RFFL: variants seen among roughly 807,000 people sequenced by gnomAD.
RFFL encodes ring finger and FYVE like domain containing E3 ubiquitin protein ligase.
In RFFL, 16 loss-of-function variants were observed where a neutral mutation model predicts 40.4. That is an observed-to-expected ratio of 0.40 (90% confidence interval 0.27 to 0.60). The LOEUF (loss-of-function observed/expected upper bound fraction) is 0.60, where lower values mean the gene tolerates loss of function less well. RFFL is among the 20% of genes least tolerant of loss of function. RFFL has a pLI of 0.47. For missense variants in RFFL, 367 were observed against 451.7 expected (o/e 0.81, Z 1.70); for synonymous variants, 154 against 167.9 (o/e 0.92, Z 0.64).
chr17:35,059,017 ATTT>A (rs750015998), intron 1 of RFFL, among the ~76,000 whole-genome samples: 4 of 123,458 alleles, frequency 3.2e-5, no homozygotes, highest in African/African-American at 3.2e-5. Context: ...TCGAGCTAGA[ATTT>A]TTTTTTTTTT....
At chr17:35,030,295 T>G (rs2091074221) in intron 1 of RFFL, among the ~76,000 whole-genome samples, 1 of 149,500 alleles carries the variant, frequency 6.7e-6, no homozygotes, top group Non-Finnish European at 1.5e-5. Context: ...TGAACTAGTT[T>G]ACAGTCCCAC....
intron 1 of RFFL, among the ~76,000 whole-genome samples, chr17:35,084,040 A>G (rs1240563682): frequency 6.6e-6 from 1 of 152,136 alleles, no homozygotes; most frequent in African/African-American, 2.4e-5. Flanking sequence ...GGAGTTTGAG[A>G]CCATCCTGGC....
chr17:35,079,460 G>GA (rs2091394003), intron 1 of RFFL, among the ~76,000 whole-genome samples: 3 of 152,260 alleles, frequency 2.0e-5, no homozygotes, highest in Admixed American at 1.3e-4. Flanking sequence ...AATTGTCAAC[G>GA]TATTTTCCTT....
At chr17:35,052,750 C>A (rs2091239096) in intron 1 of RFFL, among the ~76,000 whole-genome samples, 1 of 152,132 alleles carries the variant, frequency 6.6e-6, no homozygotes, top group Non-Finnish European at 1.5e-5. Flanking sequence ...CAAAGGTCAA[C>A]CAGACAGATC....
chr17:35,047,436 G>A lies in RFFL; in HGVS notation c.-9+16140C>T, dbSNP rs191653373. On this transcript the variant is annotated intron_variant, in intron 1 of 6. Coordinates refer to ENST00000394597, the MANE Select transcript of RFFL (RefSeq NM_001017368.2). Reference sequence around the variant, plus strand: ...AGATAATTGAAAGGATTAAAATAACGCATGTCAAAGCATTTAACCCAGAGC... The same window carrying A: ...AGATAATTGAAAGGATTAAAATAACACATGTCAAAGCATTTAACCCAGAGC... 2.2e-4 allele frequency among the ~76,000 whole-genome samples: 34 copies of A among 152,276 alleles called. No individual in the cohort carries two copies. In the East Asian group the frequency reaches 5.0e-3, roughly 22 times the overall value.
intron 1 of RFFL, among the ~76,000 whole-genome samples, chr17:35,043,326 T>C (rs936384414): frequency 2.6e-5 from 4 of 152,188 alleles, no homozygotes; most frequent in African/African-American, 7.2e-5. Flanking sequence ...AGGCTGGACA[T>C]AGAGGTGGTG....
chr17:35,047,792 C>G (rs2091208558), intron 1 of RFFL, among the ~76,000 whole-genome samples: 2 of 151,486 alleles, frequency 1.3e-5, no homozygotes, highest in Non-Finnish European at 2.9e-5. Context: ...CCCTCTGTCA[C>G]CCAGGCTGGA....
chr17:35,039,447 T>C (rs555385090), intron 1 of RFFL, among the ~76,000 whole-genome samples: 23 of 151,642 alleles, frequency 1.5e-4, no homozygotes, highest in African/African-American at 5.1e-4. Flanking sequence ...CTTGATCTCC[T>C]AACGTCATGA....
chr17:35,057,253 T>C (rs923247868), intron 1 of RFFL, among the ~76,000 whole-genome samples: 1 of 152,140 alleles, frequency 6.6e-6, no homozygotes, highest in Non-Finnish European at 1.5e-5. Context: ...AGACTCACTA[T>C]CTAGCCCACA....
At chr17:35,061,486 T>C (rs2091290691) in intron 1 of RFFL, among the ~76,000 whole-genome samples, 1 of 151,988 alleles carries the variant, frequency 6.6e-6, no homozygotes, top group Non-Finnish European at 1.5e-5. Flanking sequence ...TGGGATGGAG[T>C]CTTCTTCTGT....
chr17:35,061,526 C>A (rs1209365592), intron 1 of RFFL, among the ~76,000 whole-genome samples: 1 of 152,066 alleles, frequency 6.6e-6, no homozygotes, highest in East Asian at 1.9e-4. Context: ...GGCACAATCT[C>A]AGCTCATTGA....
At chr17:35,074,674 G>T (rs1466067002) in intron 1 of RFFL, among the ~76,000 whole-genome samples, 1 of 152,136 alleles carries the variant, frequency 6.6e-6, no homozygotes, top group Admixed American at 6.6e-5. Context: ...GATTAAACTT[G>T]TTAATACAGC....
intron 1 of RFFL, among the ~76,000 whole-genome samples, chr17:35,031,089 A>C (rs1318454044): frequency 6.6e-6 from 1 of 152,082 alleles, no homozygotes; most frequent in East Asian, 1.9e-4. Context: ...CCCTGCAAAG[A>C]GGACAAGGTT....
rs2090910000 is a variant in RFFL, at chr17:35,008,312, T to A, written c.*3656A>T. ...CCTCTTCCATATATTACATTTGTGG[T>A]CTTGAGCAAGTTAGTTAGTTACAAC... is the stretch of plus-strand genomic sequence containing the variant. On this transcript the variant is annotated 3_prime_UTR_variant, in exon 7 of 7. Transcript: ENST00000394597. 1 of 152,250 alleles carries A rather than the reference T, an allele frequency of 6.6e-6. No individual in the cohort carries two copies. The highest frequency in any genetic ancestry group is 2.4e-5 in the African/African-American group (1 of 41,460). 9.4% of individuals were successfully genotyped at this position (152,250 alleles called of 1,614,324 possible). A position where few individuals can be genotyped will look rare whatever the true frequency, so the allele number is the denominator to read the frequency against.
At chr17:35,027,114 C>T (rs2091046272) in intron 1 of RFFL, among the ~76,000 whole-genome samples, 1 of 152,170 alleles carries the variant, frequency 6.6e-6, no homozygotes, top group African/African-American at 2.4e-5. Context: ...TCTACAAACC[C>T]AGGTCTTCTG....
intron 1 of RFFL, among the ~76,000 whole-genome samples, chr17:35,048,700 C>A (rs1231791987): frequency 6.6e-6 from 1 of 152,172 alleles, no homozygotes; most frequent in Non-Finnish European, 1.5e-5. Context: ...AGCTCCTCAA[C>A]CCTTCTCTGC....
chr17:35,025,214 C>T (rs2091033854), intron 2 of RFFL: 1 of 152,212 alleles, frequency 6.6e-6, no homozygotes. Flanking sequence ...CTTTTCTAGG[C>T]ACCCAGGCCT....
chr17:35,027,382 C>T (rs1008616062), intron 1 of RFFL, among the ~76,000 whole-genome samples: 1 of 152,172 alleles, frequency 6.6e-6, no homozygotes, highest in African/African-American at 2.4e-5. Context: ...TGTAGAAGCT[C>T]AACAAATATT....
At position 35,008,742 on chromosome 17, in the gene RFFL, C is replaced by T. The variant is rs2090914926; in HGVS notation, c.*3226G>A. 6.6e-6 allele frequency: 1 copy of T among 152,192 alleles called. No individual in the cohort carries two copies. The allele number at this position is 152,192 out of a possible 1,614,324, so 9.4% of individuals were successfully genotyped here. ...CGCCTCCCGGGTTCACACCATTCTC[C>T]TGCCTCAGCCTCCCGAGTAGCTGGG... On this transcript the variant is annotated 3_prime_UTR_variant, in exon 7 of 7. Transcript: ENST00000394597.
Sources: allele counts gnomAD v4.1 joint callset (sites outside exome capture counted in the v4.1 genomes callset), GRCh38; gene constraint gnomAD v4.1.1; transcripts MANE v1.5; gene names NCBI Gene and HGNC (gene_info 2026-07-23, HGNC 2026-07-21).